USO1: variants seen among roughly 807,000 people sequenced by gnomAD.
USO1 encodes USO1 vesicle transport factor, also known as general vesicular transport factor p115.
USO1 carries 57 observed loss-of-function variants against 124.5 expected under a neutral mutation model. The observed-to-expected ratio is 0.46, with a 90% confidence interval of 0.37 to 0.57. The LOEUF is 0.57. USO1 is among the 20% of genes least tolerant of loss of function. The pLI, the probability that USO1 is intolerant of heterozygous loss-of-function variation, is 0.00. For synonymous variants in USO1, 369 were observed against 362.8 expected, an observed-to-expected ratio of 1.02 and a Z score of -0.19; for missense variants, 900 against 1,040.6, an observed-to-expected ratio of 0.86 and a Z score of 1.86.
intron 1 of USO1, among the ~76,000 whole-genome samples, chr4:75,727,150 AGT>A (rs1009535603): frequency 6.6e-6 from 1 of 152,204 alleles, no homozygotes; most frequent in Non-Finnish European, 1.5e-5. Flanking sequence ...TAGAATTCAC[AGT>A]GTATAGGATT....
At chr4:75,741,864 G>C (rs1720971108) in intron 1 of USO1, among the ~76,000 whole-genome samples, 1 of 151,836 alleles carries the variant, frequency 6.6e-6, no homozygotes, top group Admixed American at 6.6e-5. Flanking sequence ...CAAAGTGCTG[G>C]GATTATAGGC....
intron 1 of USO1, among the ~76,000 whole-genome samples, chr4:75,732,555 A>G (rs1329103259): frequency 3.3e-5 from 5 of 152,142 alleles, no homozygotes; most frequent in South Asian, 2.1e-4. Flanking sequence ...TGAAATGACT[A>G]TTAGCATGGA....
At chr4:75,797,014 T>G (rs1722704621) in intron 13 of USO1, among the ~76,000 whole-genome samples, 1 of 151,958 alleles carries the variant, frequency 6.6e-6, no homozygotes, top group South Asian at 2.1e-4. Flanking sequence ...TGTTCAGATT[T>G]TAAGGAATTT....
intron 7 of USO1, among the ~76,000 whole-genome samples, chr4:75,772,860 G>A (rs1217242551): frequency 6.6e-6 from 1 of 152,112 alleles, no homozygotes; most frequent in African/African-American, 2.4e-5. Context: ...ACTTTGGAAG[G>A]TCAAGATGGG....
At chr4:75,802,333 T>G (rs1235186381) in intron 17 of USO1, among the ~76,000 whole-genome samples, 1 of 152,164 alleles carries the variant, frequency 6.6e-6, no homozygotes, top group Non-Finnish European at 1.5e-5. Context: ...TGTAATAATA[T>G]CTTTGGAACA....
intron 1 of USO1, among the ~76,000 whole-genome samples, chr4:75,738,031 C>A (rs1720845066): frequency 6.6e-6 from 1 of 151,768 alleles, no homozygotes; most frequent in Admixed American, 6.6e-5. Context: ...GACAGAGTTT[C>A]ACCATGTTGG....
intron 1 of USO1, among the ~76,000 whole-genome samples, chr4:75,747,425 C>T (rs1306808596): frequency 6.6e-6 from 1 of 151,948 alleles, no homozygotes; most frequent in Non-Finnish European, 1.5e-5. Context: ...TACAAACATA[C>T]CACCACGCCC....
chr4:75,754,871 T>C (rs1721393982), intron 3 of USO1, among the ~76,000 whole-genome samples: 1 of 152,210 alleles, frequency 6.6e-6, no homozygotes, highest in Non-Finnish European at 1.5e-5. Context: ...TGGTTCAAAA[T>C]AAAATATTTA....
At chr4:75,804,739 T>A (rs1722946552) in intron 18 of USO1, among the ~76,000 whole-genome samples, 1 of 152,196 alleles carries the variant, frequency 6.6e-6, no homozygotes, top group South Asian at 2.1e-4. Flanking sequence ...GAGAACTAAA[T>A]GATATAATAA....
At chr4:75,755,011 G>A (rs1721397868) in intron 3 of USO1, among the ~76,000 whole-genome samples, 1 of 152,202 alleles carries the variant, frequency 6.6e-6, no homozygotes, top group Admixed American at 6.5e-5. Flanking sequence ...TGGGGCTGGA[G>A]GATCTGATTC....
chr4:75,750,312 C>T (rs1721267311), intron 1 of USO1, among the ~76,000 whole-genome samples: 1 of 151,846 alleles, frequency 6.6e-6, no homozygotes. Context: ...TGGTTGTGTG[C>T]CTGTGGGCCC....
At chr4:75,751,240 C>T (rs964692029) in intron 1 of USO1, among the ~76,000 whole-genome samples, 1 of 150,134 alleles carries the variant, frequency 6.7e-6, no homozygotes, top group Non-Finnish European at 1.5e-5. Flanking sequence ...GAAACGGAAC[C>T]TCACTCTGTC....
At chr4:75,752,328 C>T (rs1342215720) in intron 1 of USO1, 45 bp from the exon 2 acceptor site, 8 of 396,958 alleles carry the variant, frequency 2.0e-5, no homozygotes, top group East Asian at 7.2e-5. Context: ...AAAAATTTCA[C>T]GGTTTTTTTT....
intron 1 of USO1, among the ~76,000 whole-genome samples, chr4:75,739,046 G>T (rs559913726): frequency 1.3e-5 from 2 of 151,998 alleles, no homozygotes; most frequent in Non-Finnish European, 2.9e-5. Context: ...TAGAGACAGG[G>T]TTTCACCAGG....
chr4:75,739,095 G>A lies in USO1; in HGVS notation c.67-13278G>A, dbSNP rs181748244. Among the ~76,000 whole-genome samples the A allele has an allele frequency of 7.5e-3, 1,145 of 151,998 alleles. 22 individuals carry two copies. The highest frequency in any genetic ancestry group is 0.027 in the African/African-American group (1,101 of 41,500). On this transcript the variant is annotated intron_variant, in intron 1 of 23. Coordinates refer to ENST00000514213, the MANE Select transcript of USO1 (RefSeq NM_003715.4). ...TCTCAAACTCCTGACCTCGTGATCCGCCCGCCTCGTCCTCCCAAAGTGCTG... is the reference window on the plus strand; with the variant it reads ...TCTCAAACTCCTGACCTCGTGATCCACCCGCCTCGTCCTCCCAAAGTGCTG...
intron 8 of USO1, 23 bp downstream of exon 8, chr4:75,774,819 G>A (rs778914891): frequency 6.2e-7 from 1 of 1,609,214 alleles, no homozygotes; most frequent in African/African-American, 1.3e-5. Context: ...GAAATTATTT[G>A]AAGACATTCC....
chr4:75,810,453 G>A lies in USO1; in HGVS notation c.2497G>A (p.Gly833Arg). 6.2e-7 allele frequency: 1 copy of A among 1,612,004 alleles called. No homozygotes were observed. Among genetic ancestry groups the A allele is most frequent in the Non-Finnish European group, 8.5e-7 (1 of 1,179,236 alleles). The change falls in exon 22 of 24, where the codon GGA becomes AGA. Residue 833 changes from glycine to arginine, a missense_variant. Gly to Arg is a moderately radical substitution (Grantham distance 125). Coordinates refer to ENST00000514213, the MANE Select transcript of USO1 (RefSeq NM_003715.4). ...EAFAKSVEVQ[G>R]ETETIIATKT... ...TCAGGCAAAATCAGTTGAGGTACAA[G>A]GAGAGACCGAGACTATAATAGCCAC...
In USO1 at chr4:75,795,038, T is replaced by G. The variant is rs140979258; in HGVS notation, c.1452+1137T>G. Among the ~76,000 whole-genome samples the G allele has an allele frequency of 1.9e-3, 282 of 152,298 alleles. 1 individual carries two copies. The highest frequency in any genetic ancestry group is 6.2e-3 in the African/African-American group (258 of 41,580). ...TCATCACCATCACCACAGACTTCACTTTAACATTGAAATTACAATGAATGC... is the reference window on the plus strand; with the variant it reads ...TCATCACCATCACCACAGACTTCACGTTAACATTGAAATTACAATGAATGC... On this transcript the variant is annotated intron_variant, in intron 13 of 23. Transcript: ENST00000514213.
intron 1 of USO1, among the ~76,000 whole-genome samples, chr4:75,743,236 C>T (rs910400636): frequency 6.6e-6 from 1 of 152,130 alleles, no homozygotes; most frequent in East Asian, 1.9e-4. Context: ...CCACCCGTGT[C>T]GGCCTCCCAA....
Sources: allele counts gnomAD v4.1 joint callset (sites outside exome capture counted in the v4.1 genomes callset), GRCh38; gene constraint gnomAD v4.1.1; transcripts MANE v1.5; gene names NCBI Gene and HGNC (gene_info 2026-07-23, HGNC 2026-07-21).